The following RSRC1 variants were observed in gnomAD, a reference collection of about 807,000 sequenced individuals.
RSRC1 encodes serine/Arginine-related protein 53.
Under a neutral mutation model 49.1 loss-of-function variants are expected in RSRC1, and 39 were observed. The observed-to-expected ratio is 0.79, with a 90% CI of 0.61 to 1.04. The LOEUF (loss-of-function observed/expected upper bound fraction) is 1.04, where lower values mean the gene tolerates loss of function less well. Ranked by LOEUF, RSRC1 falls within the 50% of genes least tolerant of loss-of-function variation. The pLI is 0.00. For synonymous variants in RSRC1, 143 were observed against 130.8 expected (o/e 1.09, Z -0.63); for missense variants, 388 against 402.4 (o/e 0.96, Z 0.31).
intron 6 of RSRC1, among the ~76,000 whole-genome samples, chr3:158,362,292 G>C (rs1731520618): frequency 6.6e-6 from 1 of 152,184 alleles, no homozygotes; most frequent in Non-Finnish European, 1.5e-5. Flanking sequence ...CGTGAGCTGT[G>C]ATTGCGCCAC....
intron 2 of RSRC1, 70 bp from the exon 3 acceptor site, chr3:158,123,796 A>G (rs1715438742): frequency 6.4e-6 from 9 of 1,395,352 alleles, no homozygotes; most frequent in South Asian, 1.3e-5. Flanking sequence ...TTTAGAATCT[A>G]GAAGGTTTTT....
chr3:158,392,118 C>A (rs1170610997), intron 6 of RSRC1, among the ~76,000 whole-genome samples: 1 of 152,022 alleles, frequency 6.6e-6, no homozygotes, highest in Non-Finnish European at 1.5e-5. Context: ...CTGAGCTCAT[C>A]CTCTAGAATA....
intron 6 of RSRC1, among the ~76,000 whole-genome samples, chr3:158,362,627 G>A (rs1444732346): frequency 6.6e-6 from 1 of 152,142 alleles, no homozygotes; most frequent in African/African-American, 2.4e-5. Context: ...TTAAGACAGC[G>A]CTTGACAGAA....
intron 7 of RSRC1, among the ~76,000 whole-genome samples, chr3:158,490,181 T>G (rs76542099): frequency 0.014 from 2,076 of 152,222 alleles, 35 homozygotes; most frequent in South Asian, 0.04. Context: ...TCCTCCAGGG[T>G]TCACACCATT....
intron 3 of RSRC1, among the ~76,000 whole-genome samples, chr3:158,163,915 AT>A (rs964400962): frequency 5.3e-5 from 8 of 152,034 alleles, no homozygotes; most frequent in African/African-American, 1.9e-4. Context: ...GAATGAATGA[AT>A]GTTGCTATAA....
intron 6 of RSRC1, among the ~76,000 whole-genome samples, chr3:158,445,111 C>G (rs1345406107): frequency 6.6e-6 from 1 of 152,138 alleles, no homozygotes; most frequent in African/African-American, 2.4e-5. Context: ...CCTCAAGGAT[C>G]TAGAACTAGA....
chr3:158,443,129 A>G (rs1736477775), intron 6 of RSRC1, among the ~76,000 whole-genome samples: 1 of 152,098 alleles, frequency 6.6e-6, no homozygotes, highest in African/African-American at 2.4e-5. Context: ...GGACCCTTAG[A>G]TTGTTAGAAT....
intron 3 of RSRC1, among the ~76,000 whole-genome samples, chr3:158,170,508 G>T (rs1037400444): frequency 1.3e-5 from 2 of 152,100 alleles, no homozygotes; most frequent in South Asian, 4.1e-4. Context: ...AAAAATGCTG[G>T]ACCGAATACT....
chr3:158,488,916 T>C (rs1157925902), intron 7 of RSRC1, among the ~76,000 whole-genome samples: 1 of 152,218 alleles, frequency 6.6e-6, no homozygotes, highest in Non-Finnish European at 1.5e-5. Context: ...CACTTGGTGA[T>C]AAGGAAATAT....
intron 3 of RSRC1, among the ~76,000 whole-genome samples, chr3:158,162,403 T>C (rs1718284886): frequency 6.6e-6 from 1 of 152,196 alleles, no homozygotes; most frequent in Admixed American, 6.5e-5. Flanking sequence ...TGGTATCTAA[T>C]GGTTTCCTTT....
At chr3:158,463,761 A>G (rs1230712052) in intron 7 of RSRC1, among the ~76,000 whole-genome samples, 1 of 152,150 alleles carries the variant, frequency 6.6e-6, no homozygotes, top group Non-Finnish European at 1.5e-5. Flanking sequence ...CATCCAAAAT[A>G]AAAGTCAGGC....
At chr3:158,537,290 A>G in intron 8 of RSRC1, 92 bp downstream of exon 8, 1 of 715,262 alleles carries the variant, frequency 1.4e-6, no homozygotes, top group Non-Finnish European at 2.2e-6. Flanking sequence ...TGTTTCTTCT[A>G]ATAGATGAAG....
intron 6 of RSRC1, among the ~76,000 whole-genome samples, chr3:158,375,206 AT>A (rs1210719007): frequency 2.8e-5 from 4 of 142,886 alleles, no homozygotes; most frequent in East Asian, 4.1e-4. Flanking sequence ...TTATTAACTT[AT>A]TTTTTTGAGA....
chr3:158,251,351 A>G (rs1176721332), intron 4 of RSRC1, among the ~76,000 whole-genome samples: 1 of 152,092 alleles, frequency 6.6e-6, no homozygotes, highest in African/African-American at 2.4e-5. Context: ...TATTTCTTCA[A>G]AAAATTTCAT....
At chr3:158,166,844 ATTT>A (rs1243016348) in intron 3 of RSRC1, among the ~76,000 whole-genome samples, 1 of 152,176 alleles carries the variant, frequency 6.6e-6, no homozygotes, top group Admixed American at 6.5e-5. Context: ...TTGAACACAT[ATTT>A]TAAGAGAAAG....
chr3:158,234,282 AT>A (rs1723120183), intron 4 of RSRC1, among the ~76,000 whole-genome samples: 1 of 152,162 alleles, frequency 6.6e-6, no homozygotes, highest in South Asian at 2.1e-4. Context: ...GGTTTTAGTA[AT>A]GAAGACAGAG....
chr3:158,379,984 C>G (rs564994417), intron 6 of RSRC1, among the ~76,000 whole-genome samples: 1 of 151,396 alleles, frequency 6.6e-6, no homozygotes, highest in Non-Finnish European at 1.5e-5. Context: ...GCTTTGTTCA[C>G]TTTTGGATCT....
At chr3:158,115,887 G>A (rs1444104378) in intron 1 of RSRC1, among the ~76,000 whole-genome samples, 1 of 152,082 alleles carries the variant, frequency 6.6e-6, no homozygotes, top group Non-Finnish European at 1.5e-5. Context: ...TTGAAGTTCT[G>A]TTTTAATATG....
intron 3 of RSRC1, among the ~76,000 whole-genome samples, chr3:158,167,614 A>G (rs1177498112): frequency 1.3e-5 from 2 of 152,212 alleles, no homozygotes; most frequent in Non-Finnish European, 2.9e-5. Flanking sequence ...TATGTTTCAT[A>G]AGTTTGTGCA....
Sources: gnomAD v4.1 joint callset for allele counts (sites outside exome capture counted in the v4.1 genomes callset) on GRCh38, gnomAD v4.1.1 for gene constraint, MANE v1.5 for transcripts, NCBI Gene and HGNC (gene_info 2026-07-23, HGNC 2026-07-21) for gene names.